Variants in OPA1 observed in about 807,000 individuals in gnomAD.
OPA1 encodes OPA1 mitochondrial dynamin like GTPase, also known as dynamin-like GTPase OPA1, mitochondrial.
In OPA1, 59 loss-of-function variants were observed where a neutral mutation model predicts 152.9. That is an observed-to-expected ratio of 0.39 (90% CI 0.31 to 0.48). The LOEUF is 0.48. OPA1 is among the 20% of genes least tolerant of loss of function. OPA1 has a pLI of 0.96. For synonymous variants in OPA1, 400 were observed against 389.9 expected (o/e 1.03, Z -0.31); for missense variants, 1,008 against 1,216.8 (o/e 0.83, Z 2.55).
chr3:193,664,781 A>G, intron 26 of OPA1, 99 bp from the exon 27 acceptor site: 1 of 751,094 alleles, frequency 1.3e-6, no homozygotes, highest in African/African-American at 1.8e-5. Flanking sequence ...GCTTTTAATT[A>G]ACTTTTTTGG....
chr3:193,628,771 T>C (rs892898671), intron 7 of OPA1, among the ~76,000 whole-genome samples: 2 of 152,200 alleles, frequency 1.3e-5, no homozygotes, highest in South Asian at 2.1e-4. Flanking sequence ...AGATTGAAAA[T>C]AGCTTGTGTT....
Position 193,685,301 on chromosome 3 carries a change from C to CA in OPA1, c.2984-6749dup, listed in dbSNP as rs879563779. Among the ~76,000 whole-genome samples the CA allele has an allele frequency of 4.2e-3, 535 of 128,168 alleles. 1 individual carries two copies. Among genetic ancestry groups the CA allele is most frequent in the East Asian group, 0.011 (49 of 4,518 alleles). 84.1% of individuals were successfully genotyped at this position (128,168 alleles called of 152,430 possible). On this transcript the variant is annotated intron_variant, in intron 29 of 30. Transcript: ENST00000361510. ...TGGACGACAGAGCGAGACTCCATCT[C>CA]AAAAAAAAAAAAAGCTGAATTTATC...
intron 8 of OPA1, among the ~76,000 whole-genome samples, chr3:193,633,632 C>T (rs1732456901): frequency 6.6e-6 from 1 of 152,026 alleles, no homozygotes. Flanking sequence ...TTAATTTTTA[C>T]ATTAAAAAGG....
rs1729276766 is a variant in OPA1 at position 193,617,683 on chromosome 3, T to G, written c.557-101T>G. ...TAATCCTGGCATATTTGCCCAATTA[T>G]TGCCCTATCGTAATATGAAATCTGA... is the stretch of plus-strand genomic sequence containing the variant. On this transcript the variant is annotated intron_variant, in intron 4 of 30. Coordinates refer to ENST00000361510, the MANE Select transcript of OPA1 (RefSeq NM_130837.3). 2.2e-5 allele frequency: 19 copies of G among 850,816 alleles called. No homozygotes were observed. In the South Asian group the frequency reaches 2.6e-4, roughly 12 times the overall value. The allele number at this position is 850,816 out of a possible 1,614,324, so 52.7% of individuals were successfully genotyped here.
intron 16 of OPA1, 62 bp from the exon 17 acceptor site, chr3:193,645,491 T>G (rs1577248943): frequency 7.9e-7 from 1 of 1,263,650 alleles, no homozygotes; most frequent in Non-Finnish European, 1.1e-6. Context: ...AAATTGTATA[T>G]TACGCTTTTA....
chr3:193,651,970 A>T (rs1712588798), intron 21 of OPA1, among the ~76,000 whole-genome samples: 1 of 152,224 alleles, frequency 6.6e-6, no homozygotes, highest in Non-Finnish European at 1.5e-5. Flanking sequence ...GTTTCTGTAG[A>T]TAAAGAAGGC....
At position 193,696,192 on chromosome 3, in the gene OPA1, A is replaced by G. The variant is rs754585155; in HGVS notation, c.*1592A>G. 12 of 152,256 alleles carry G rather than the reference A, an allele frequency of 7.9e-5. No homozygotes were observed. Among genetic ancestry groups the G allele is most frequent in the East Asian group, 7.7e-4 (4 of 5,204 alleles). 9.4% of individuals were successfully genotyped at this position (152,256 alleles called of 1,614,324 possible). A position where few individuals can be genotyped will look rare whatever the true frequency, so the allele number is the denominator to read the frequency against. Reference sequence around the variant, plus strand: ...ATGAATATTTTTGCAGTTGTAAAGCATAACAATTACAACTACACATCTATT... The same window carrying G: ...ATGAATATTTTTGCAGTTGTAAAGCGTAACAATTACAACTACACATCTATT... On this transcript the variant is annotated 3_prime_UTR_variant, in exon 31 of 31. Transcript: ENST00000361510.
At chr3:193,601,354 A>T (rs1334456639) in intron 1 of OPA1, among the ~76,000 whole-genome samples, 1 of 152,128 alleles carries the variant, frequency 6.6e-6, no homozygotes, top group Admixed American at 6.5e-5. Context: ...TTTTCAGGGG[A>T]AGCAATTCGA....
In OPA1 at chr3:193,658,258, AAAAAAAG is replaced by A. The variant is rs1399732892; in HGVS notation, c.2332-625_2332-619del. On this transcript the variant is annotated intron_variant, in intron 23 of 30. Coordinates refer to ENST00000361510, the MANE Select transcript of OPA1 (RefSeq NM_130837.3). The stretch of plus-strand genomic sequence containing the variant: ...AAAACTCCGTTTTCAAAAAAAAAAA[AAAAAAAG>A]AAAGAAAACCATATTTATTCTTGTT... Among the ~76,000 whole-genome samples the A allele has an allele frequency of 4.4e-4, 65 of 148,296 alleles. 1 individual carries two copies. The highest frequency in any genetic ancestry group is 4.1e-4 in the Admixed American group (6 of 14,756).
At chr3:193,694,084 C>T (rs1189073639) in intron 30 of OPA1, among the ~76,000 whole-genome samples, 1 of 152,198 alleles carries the variant, frequency 6.6e-6, no homozygotes, top group African/African-American at 2.4e-5. Flanking sequence ...TCCAGAGTTG[C>T]TGTTGCTGCT....
intron 1 of OPA1, among the ~76,000 whole-genome samples, chr3:193,596,337 T>TTTCC (rs1553865288): frequency 3.5e-4 from 49 of 138,434 alleles, no homozygotes; most frequent in African/African-American, 1.2e-3. Context: ...TTTCCTTTCC[T>TTTCC]TTTCTTTTCT....
intron 7 of OPA1, chr3:193,628,716 T>C (rs1247340351): frequency 6.6e-6 from 1 of 152,180 alleles, no homozygotes; most frequent in Non-Finnish European, 1.5e-5. Flanking sequence ...GTAAAGCACA[T>C]CAAAATAAAA....
chr3:193,690,014 G>GA (rs56020929), intron 29 of OPA1, among the ~76,000 whole-genome samples: 3,194 of 136,054 alleles, frequency 0.023, 44 homozygotes, highest in African/African-American at 0.024. Flanking sequence ...TACATTCACT[G>GA]AAAAAAAAAA....
intron 1 of OPA1, among the ~76,000 whole-genome samples, chr3:193,610,384 C>T (rs1004187193): frequency 5.9e-5 from 9 of 152,308 alleles, no homozygotes; most frequent in South Asian, 2.1e-4. Context: ...GCTGCCTGAT[C>T]GTTCCTCTGG....
At chr3:193,675,140 T>C (rs1718692658) in intron 29 of OPA1, among the ~76,000 whole-genome samples, 1 of 152,126 alleles carries the variant, frequency 6.6e-6, no homozygotes, top group African/African-American at 2.4e-5. Flanking sequence ...ACTGGTGTGT[T>C]CTTTTTGTTT....
At chr3:193,641,134 C>G (rs1226973074) in intron 11 of OPA1, among the ~76,000 whole-genome samples, 3 of 152,184 alleles carry the variant, frequency 2.0e-5, no homozygotes, top group African/African-American at 7.2e-5. Context: ...GGGAGAGAAA[C>G]CTACCTTTTA....
chr3:193,618,485 C>CAAAA, intron 5 of OPA1: 2 of 177,640 alleles, frequency 1.1e-5, no homozygotes, highest in Non-Finnish European at 2.3e-5. Flanking sequence ...CCCCCACCCC[C>CAAAA]AAAAAAAAAA....
chr3:193,631,366 A>C (rs967976391), intron 7 of OPA1, among the ~76,000 whole-genome samples: 2 of 152,228 alleles, frequency 1.3e-5, no homozygotes, highest in Non-Finnish European at 2.9e-5. Context: ...AATGACTAGA[A>C]TAGCAACAGG....
chr3:193,650,807 G>T (rs1239620198), intron 21 of OPA1, among the ~76,000 whole-genome samples: 2 of 152,110 alleles, frequency 1.3e-5, no homozygotes, highest in African/African-American at 4.8e-5. Context: ...AGGAGATATT[G>T]ATATATCATT....
Sources: gnomAD v4.1 joint callset for allele counts (sites outside exome capture counted in the v4.1 genomes callset) on GRCh38, gnomAD v4.1.1 for gene constraint, MANE v1.5 for transcripts, NCBI Gene and HGNC (gene_info 2026-07-23, HGNC 2026-07-21) for gene names.